COX10: variants seen among roughly 807,000 people sequenced by gnomAD.
The protein encoded by COX10 is cytochrome c oxidase assembly factor heme A:farnesyltransferase COX10, also known as protoheme IX farnesyltransferase, mitochondrial.
COX10 carries 27 observed loss-of-function variants against 37.3 expected under a neutral mutation model. The observed-to-expected ratio is 0.72, with a 90% CI of 0.53 to 1.00. COX10 has a LOEUF of 1.00. Ranked by LOEUF, COX10 falls within the 50% of genes least tolerant of loss-of-function variation. COX10 has a pLI of 0.00. For missense variants in COX10, 475 were observed against 563.2 expected (o/e 0.84, Z 1.59); for synonymous variants, 222 against 229.1 (o/e 0.97, Z 0.28).
At chr17:14,191,709 A>C (rs1012200197) in intron 5 of COX10, among the ~76,000 whole-genome samples, 1 of 152,204 alleles carries the variant, frequency 6.6e-6, no homozygotes, top group African/African-American at 2.4e-5. Context: ...CCAGGAAGGG[A>C]CAGAACCTAT....
intron 5 of COX10, among the ~76,000 whole-genome samples, chr17:14,170,003 AG>A: frequency 6.6e-6 from 1 of 152,340 alleles, no homozygotes; most frequent in Admixed American, 6.5e-5. Context: ...GTCTTAAAGC[AG>A]GATGGCCTCA....
At chr17:14,127,129 A>T (rs1233028080) in intron 4 of COX10, among the ~76,000 whole-genome samples, 1 of 152,186 alleles carries the variant, frequency 6.6e-6, no homozygotes, top group African/African-American at 2.4e-5. Context: ...GCTCTGGATT[A>T]TTAAAAGAGA....
chr17:14,156,379 G>A (rs1404881895), intron 4 of COX10, among the ~76,000 whole-genome samples: 3 of 151,950 alleles, frequency 2.0e-5, no homozygotes, highest in African/African-American at 7.3e-5. Flanking sequence ...ACAGGCACCC[G>A]CCACCGCGCC....
At chr17:14,077,408 A>C in intron 3 of COX10, 1 of 297,130 alleles carries the variant, frequency 3.4e-6, no homozygotes, top group Non-Finnish European at 6.4e-6. Context: ...AATGGGAAGA[A>C]TTGCACTACT....
In COX10 at chr17:14,181,901, A is replaced by G. The variant is rs191550635; in HGVS notation, c.696-10088A>G. 40 of 707,524 alleles carry G rather than the reference A, an allele frequency of 5.7e-5. No individual in the cohort carries two copies. In the African/African-American group the frequency reaches 7.3e-4, roughly 13 times the overall value. 43.8% of individuals were successfully genotyped at this position (707,524 alleles called of 1,614,324 possible). A position where few individuals can be genotyped will look rare whatever the true frequency, so the allele number is the denominator to read the frequency against. On this transcript the variant is annotated intron_variant, in intron 5 of 6. Transcript: ENST00000261643. ...TACAAATTACCCTTAATTTAAGATG[A>G]ATTGGTGTAGCATAATTCAGGGGTC...
chr17:14,193,729 C>T (rs548645318), intron 6 of COX10, among the ~76,000 whole-genome samples: 4 of 149,062 alleles, frequency 2.7e-5, no homozygotes, highest in South Asian at 2.2e-4. Flanking sequence ...CTCCTGCTCC[C>T]GGTCACGTTC....
chr17:14,197,528 A>G (rs1906402242), intron 6 of COX10, among the ~76,000 whole-genome samples: 1 of 152,242 alleles, frequency 6.6e-6, no homozygotes, highest in South Asian at 2.1e-4. Flanking sequence ...TGGGTCCCAC[A>G]TAGGTGTCTG....
chr17:14,072,979 G>A (rs1462050636), intron 1 of COX10, among the ~76,000 whole-genome samples: 2 of 152,206 alleles, frequency 1.3e-5, no homozygotes, highest in Non-Finnish European at 2.9e-5. Flanking sequence ...TAGAGTAGTT[G>A]ACAAAGACAG....
At chr17:14,136,457 C>T (rs1374791042) in intron 4 of COX10, among the ~76,000 whole-genome samples, 1 of 151,938 alleles carries the variant, frequency 6.6e-6, no homozygotes, top group Non-Finnish European at 1.5e-5. Context: ...CCTAGATGTG[C>T]TTTCCATTCA....
intron 4 of COX10, among the ~76,000 whole-genome samples, chr17:14,105,829 A>G (rs1420216246): frequency 6.6e-6 from 1 of 152,020 alleles, no homozygotes. Flanking sequence ...TAACATTTTG[A>G]TTTATATTAT....
At chr17:14,130,133 T>C (rs1250774605) in intron 4 of COX10, among the ~76,000 whole-genome samples, 1 of 152,178 alleles carries the variant, frequency 6.6e-6, no homozygotes, top group Non-Finnish European at 1.5e-5. Flanking sequence ...CTGCTCCCAA[T>C]TACATTACAC....
chr17:14,118,689 A>G (rs997987025), intron 4 of COX10, among the ~76,000 whole-genome samples: 1 of 152,184 alleles, frequency 6.6e-6, no homozygotes, highest in Non-Finnish European at 1.5e-5. Flanking sequence ...AAAATTTTAT[A>G]AAATGCTACT....
intron 5 of COX10, among the ~76,000 whole-genome samples, chr17:14,186,432 C>T (rs1172861701): frequency 2.0e-5 from 3 of 151,956 alleles, no homozygotes; most frequent in African/African-American, 7.3e-5. Context: ...CCGCCCATCT[C>T]CCACCCATCC....
chr17:14,197,213 G>A (rs1906392578), intron 6 of COX10, among the ~76,000 whole-genome samples: 1 of 152,134 alleles, frequency 6.6e-6, no homozygotes, highest in Non-Finnish European at 1.5e-5. Context: ...GCAGCCCATG[G>A]GTCAGAGTGC....
chr17:14,122,816 A>G (rs1916258654), intron 4 of COX10, among the ~76,000 whole-genome samples: 1 of 152,212 alleles, frequency 6.6e-6, no homozygotes, highest in Non-Finnish European at 1.5e-5. Flanking sequence ...ATCTTTTATA[A>G]TTATGCATTA....
intron 3 of COX10, among the ~76,000 whole-genome samples, chr17:14,088,295 T>C (rs781709651): frequency 6.6e-6 from 1 of 152,204 alleles, no homozygotes; most frequent in African/African-American, 2.4e-5. Flanking sequence ...TAACAAACGC[T>C]TCTTGAGGTT....
intron 6 of COX10, among the ~76,000 whole-genome samples, chr17:14,192,877 T>G (rs1232650732): frequency 6.6e-6 from 1 of 152,086 alleles, no homozygotes; most frequent in Non-Finnish European, 1.5e-5. Context: ...AAGGAAGTGG[T>G]GAGGTTTCCT....
At chr17:14,160,574 C>T (rs1194732731) in intron 5 of COX10, among the ~76,000 whole-genome samples, 1 of 152,112 alleles carries the variant, frequency 6.6e-6, no homozygotes, top group Non-Finnish European at 1.5e-5. Flanking sequence ...ATGTAAATCA[C>T]TGGATTCTTT....
At chr17:14,142,330 CAG>C (rs1361613433) in intron 4 of COX10, among the ~76,000 whole-genome samples, 1 of 152,170 alleles carries the variant, frequency 6.6e-6, no homozygotes, top group African/African-American at 2.4e-5. Flanking sequence ...GTGTCTGAGA[CAG>C]AAAACTGTGA....
Sources: gnomAD v4.1 joint callset for allele counts (sites outside exome capture counted in the v4.1 genomes callset) on GRCh38, gnomAD v4.1.1 for gene constraint, MANE v1.5 for transcripts, NCBI Gene and HGNC (gene_info 2026-07-23, HGNC 2026-07-21) for gene names.